The following NLGN2 variants were observed in gnomAD, a reference collection of about 807,000 sequenced individuals.
NLGN2 encodes the protein neuroligin-2.
Under a neutral mutation model 48.6 loss-of-function variants are expected in NLGN2, and 11 were observed. The ratio of observed to expected loss-of-function variants is 0.23; its 90% CI spans 0.14 to 0.37. The LOEUF (loss-of-function observed/expected upper bound fraction) is 0.37, where lower values mean the gene tolerates loss of function less well. NLGN2 is among the 10% of genes least tolerant of loss of function. The pLI, the probability that NLGN2 is intolerant of heterozygous loss-of-function variation, is 1.00. For missense variants in NLGN2, 801 were observed against 1,225.2 expected (o/e 0.65, Z 5.17); for synonymous variants, 548 against 550.0 (o/e 1.00, Z 0.05).
intron 1 of NLGN2, among the ~76,000 whole-genome samples, chr17:7,409,452 C>A (rs1906789615): frequency 6.6e-6 from 1 of 152,090 alleles, no homozygotes; most frequent in African/African-American, 2.4e-5. Context: ...GTTCTCCACC[C>A]TCCATCCTCA....
Position 7,412,200 on chromosome 17 carries a change from A to C in NLGN2, c.501A>C (p.Pro167=). The part of the protein sequence containing the change: ...KKRDEATLNP[P]DTDIRDPGKK... ...GTGACGAGGCGACGCTCAATCCGCC[A>C]GACACAGGTAGATTTAAAAATCCCG... Residue 167 remains proline (P), a synonymous_variant, in exon 2 of 7, where the codon CCA becomes CCC. Transcript: ENST00000302926. 1 of 1,612,564 alleles carries C rather than the reference A, an allele frequency of 6.2e-7. No individual in the cohort carries two copies. The highest frequency in any genetic ancestry group is 8.5e-7 in the Non-Finnish European group (1 of 1,179,368).
Position 7,415,922 on chromosome 17 carries a change from C to T in NLGN2, c.1449C>T (p.Phe483=), listed in dbSNP as rs1567662123. 1 of 1,613,592 alleles carries T rather than the reference C, an allele frequency of 6.2e-7. No homozygotes were observed. The highest frequency in any genetic ancestry group is 8.5e-7 in the Non-Finnish European group (1 of 1,179,674). ...DYQSPVYFYT[F]YHHCQAEGRP... Reference sequence around the variant, plus strand: ...AGTCTCCCGTCTACTTTTACACCTTCTACCACCACTGCCAGGCGGAGGGCC... The same window carrying T: ...AGTCTCCCGTCTACTTTTACACCTTTTACCACCACTGCCAGGCGGAGGGCC... The change falls in exon 6 of 7, where the codon TTC becomes TTT. Residue 483 remains phenylalanine, a synonymous_variant. Transcript: ENST00000302926.
intron 6 of NLGN2, 142 bp downstream of exon 6, chr17:7,416,249 G>A (rs1907097351): frequency 1.4e-6 from 1 of 699,480 alleles, no homozygotes; most frequent in East Asian, 2.7e-5. Flanking sequence ...CAGGCACGGA[G>A]TTGAGCGTTG....
At position 7,408,617 on chromosome 17, in the gene NLGN2, T is replaced by C; in HGVS notation, c.362T>C (p.Val121Ala). 1 of 1,606,098 alleles carries C rather than the reference T, an allele frequency of 6.2e-7. No homozygotes were observed. Among genetic ancestry groups the C allele is most frequent in the East Asian group, 2.2e-5 (1 of 44,462 alleles). Reference protein sequence around the residue: ...HGALPAIMLPVWFTDNLEAAA... With the variant: ...HGALPAIMLPAWFTDNLEAAA... ...GCGCTGCCCGCCATCATGCTGCCTG[T>C]GTGGTTCACCGACAACTTGGAGGCG... Residue 121 changes from valine to alanine, a missense_variant, in exon 1 of 7, where the codon GTG becomes GCG. Transcript: ENST00000302926. The surrounding 1 kb of genome is among the most constrained non-coding windows in gnomAD (Gnocchi z 7.5).
chr17:7,414,947 T>G lies in NLGN2; in HGVS notation c.845-9T>G. 6.2e-7 allele frequency: 1 copy of G among 1,612,808 alleles called. No homozygotes were observed. Among genetic ancestry groups the G allele is most frequent in the Non-Finnish European group, 8.5e-7 (1 of 1,180,008 alleles). On this transcript the variant is annotated splice_polypyrimidine_tract_variant and intron_variant, in intron 4 of 6. Transcript: ENST00000302926. Reference sequence around the variant, plus strand: ...CACAGCCTGGCCTGAGGTCTGCCTGTCCCGCCAGGGCTGTTCCAGAAGGCC... The same window carrying G: ...CACAGCCTGGCCTGAGGTCTGCCTGGCCCGCCAGGGCTGTTCCAGAAGGCC...
At position 7,414,321 on chromosome 17, in the gene NLGN2, CCTGCCCA is replaced by C. The variant is rs778033768; in HGVS notation, c.509-21_509-15del. ...TCCTTGTCCCTGACCCCCTGGCCCA[CCTGCCCA>C]CCCCTCCCCACACAGATATCCGTGA... On this transcript the variant is annotated splice_polypyrimidine_tract_variant and intron_variant, in intron 2 of 6. Transcript: ENST00000302926. 6 of 1,450,470 alleles carry C rather than the reference CCTGCCCA, an allele frequency of 4.1e-6. No homozygotes were observed. The highest frequency in any genetic ancestry group is 2.2e-5 in the Admixed American group (1 of 44,458). The allele number at this position is 1,450,470 out of a possible 1,614,324, so 89.8% of individuals were successfully genotyped here.
intron 5 of NLGN2, 27 bp downstream of exon 5, chr17:7,415,175 A>G (rs762967994): frequency 1.3e-6 from 2 of 1,561,128 alleles, no homozygotes; most frequent in East Asian, 2.3e-5. Flanking sequence ...GGCTGGGTCC[A>G]GGCCTTCAAG....
rs779080390 is a variant in NLGN2 at position 7,415,610 on chromosome 17, C to T, written c.1137C>T (p.Leu379=). Residue 379 remains leucine, a synonymous_variant, in exon 6 of 7, where the codon CTC becomes CTT. Transcript: ENST00000302926. ...GAGAATTCCTCAACTACGACATGCT[C>T]ATCGGCGTCAACCAGGGAGAGGGCC... ...QQGEFLNYDM[L]IGVNQGEGLK... is the part of the protein sequence containing the mutation. 1.2e-5 allele frequency: 19 copies of T among 1,613,806 alleles called. No homozygotes were observed. In the East Asian group the frequency reaches 3.8e-4, roughly 32 times the overall value.
intron 6 of NLGN2, 94 bp from the exon 7 acceptor site, chr17:7,416,832 T>C (rs1004754675): frequency 2.1e-6 from 3 of 1,454,484 alleles, no homozygotes; most frequent in Non-Finnish European, 2.8e-6. Flanking sequence ...CCCCTGTCTC[T>C]CTGCATCTCT....
At chr17:7,407,842 G>A (rs1906704303), upstream of NLGN2, among the ~76,000 whole-genome samples, 1 of 152,048 alleles carries the variant, frequency 6.6e-6, no homozygotes. Flanking sequence ...GTGGGAGAAG[G>A]GGGCAACTTG....
rs775195357 is a variant in NLGN2, at chr17:7,411,651, C to G, written c.458-506C>G. 6.6e-6 allele frequency among the ~76,000 whole-genome samples: 1 copy of G among 152,190 alleles called. No homozygotes were observed. The highest frequency in any genetic ancestry group is 2.4e-5 in the African/African-American group (1 of 41,442). On this transcript the variant is annotated intron_variant, in intron 1 of 6. Coordinates refer to ENST00000302926, the MANE Select transcript of NLGN2 (RefSeq NM_020795.4). The surrounding 1 kb of genome is among the most constrained non-coding windows in gnomAD (Gnocchi z 4.5). ...TCTTTTCTGCGGCAGTCTCTCCTCC[C>G]TACAGCCTTGTGGGGGGCGGCAGGC...
rs1906976269 is a variant in NLGN2, at chr17:7,413,396, G to A, written c.509-948G>A. ...TTTGGTTTGCTGAGTATCCAGGCTAGCAGGGAGGGCCAGTGTCAAGAAAGA... is the reference window on the plus strand; with the variant it reads ...TTTGGTTTGCTGAGTATCCAGGCTAACAGGGAGGGCCAGTGTCAAGAAAGA... On this transcript the variant is annotated intron_variant, in intron 2 of 6. Coordinates refer to ENST00000302926, the MANE Select transcript of NLGN2 (RefSeq NM_020795.4). The surrounding 1 kb of genome is among the most constrained non-coding windows in gnomAD (Gnocchi z 4.9). Among the ~76,000 whole-genome samples the A allele has an allele frequency of 6.6e-6, 1 of 152,196 alleles. No individual in the cohort carries two copies. Among genetic ancestry groups the A allele is most frequent in the Non-Finnish European group, 1.5e-5 (1 of 68,030 alleles).
rs182406071 is a variant in NLGN2 at position 7,417,865 on chromosome 17, G to C, written c.*66G>C. 2.6e-4 allele frequency: 347 copies of C among 1,340,420 alleles called. No homozygotes were observed. The highest frequency in any genetic ancestry group is 3.2e-4 in the Non-Finnish European group (332 of 1,051,336). 83.0% of individuals were successfully genotyped at this position (1,340,420 alleles called of 1,614,324 possible). ...CCGGCCACTCCGAAGGCAGGGAGGA[G>C]GACTTGGCAACTGGCTTTTCTCCTG... On this transcript the variant is annotated 3_prime_UTR_variant, in exon 7 of 7. Transcript: ENST00000302926.
chr17:7,415,699 C>G lies in NLGN2; in HGVS notation c.1226C>G (p.Thr409Ser). 6.2e-7 allele frequency: 1 copy of G among 1,614,282 alleles called. No individual in the cohort carries two copies. Among genetic ancestry groups the G allele is most frequent in the Non-Finnish European group, 8.5e-7 (1 of 1,180,048 alleles). Reference protein sequence around the residue: ...DGVSASAFDFTVSNFVDNLYG... With the variant: ...DGVSASAFDFSVSNFVDNLYG... ...GTGTCTGCCAGCGCCTTTGACTTCACTGTCTCCAACTTTGTGGACAACCTG... is the reference window on the plus strand; with the variant it reads ...GTGTCTGCCAGCGCCTTTGACTTCAGTGTCTCCAACTTTGTGGACAACCTG... The change falls in exon 6 of 7, where the codon ACT becomes AGT. Residue 409 changes from threonine to serine, a missense_variant. This residue lies in a region of NLGN2 where 303 missense variants were observed against 600.1 expected (regional missense o/e 0.50). Coordinates refer to ENST00000302926, the MANE Select transcript of NLGN2 (RefSeq NM_020795.4).
At chr17:7,415,398 TA>T in intron 5 of NLGN2, 112 bp from the exon 6 acceptor site, 1 of 1,070,536 alleles carries the variant, frequency 9.3e-7, no homozygotes, top group Non-Finnish European at 1.4e-6. Flanking sequence ...GGATTTCAAG[TA>T]GGGAAGAAGG....
chr17:7,419,630 A>G lies in NLGN2; in HGVS notation c.*1831A>G, dbSNP rs892224483. 1 of 152,214 alleles carries G rather than the reference A, an allele frequency of 6.6e-6. No individual in the cohort carries two copies. Among genetic ancestry groups the G allele is most frequent in the Non-Finnish European group, 1.5e-5 (1 of 68,072 alleles). The allele number at this position is 152,214 out of a possible 1,614,324, so 9.4% of individuals were successfully genotyped here. ...CCTCTCCAAACAGCCATGCCCTCCA[A>G]ATGCTAGAGACCTGGGCCCTGAACC... On this transcript the variant is annotated 3_prime_UTR_variant, in exon 7 of 7. Coordinates refer to ENST00000302926, the MANE Select transcript of NLGN2 (RefSeq NM_020795.4).
chr17:7,417,722 C>T lies in NLGN2; in HGVS notation c.2431C>T (p.Pro811Ser). The change falls in exon 7 of 7, where the codon CCC becomes TCC. Residue 811 changes from proline to serine, a missense_variant. By Grantham distance (74) the Pro-to-Ser change is moderately conservative. This residue lies in a region of NLGN2 where 276 missense variants were observed against 313.9 expected (regional missense o/e 0.88). Coordinates refer to ENST00000302926, the MANE Select transcript of NLGN2 (RefSeq NM_020795.4). ...GCCCCCCTCCCTTCATCCCTTCGGGCCCTTCCCCCCGCCCCCTCCCACCGC... is the reference window on the plus strand; with the variant it reads ...GCCCCCCTCCCTTCATCCCTTCGGGTCCTTCCCCCCGCCCCCTCCCACCGC... ...PPPPSLHPFGPFPPPPPTATS... is the reference protein window; with the variant it reads ...PPPPSLHPFGSFPPPPPTATS... 1.2e-6 allele frequency: 1 copy of T among 838,242 alleles called. No individual in the cohort carries two copies. The highest frequency in any genetic ancestry group is 1.6e-6 in the Non-Finnish European group (1 of 635,052). The allele number at this position is 838,242 out of a possible 1,614,324, so 51.9% of individuals were successfully genotyped here. A position where few individuals can be genotyped will look rare whatever the true frequency, so the allele number is the denominator to read the frequency against.
chr17:7,416,571 G>A lies in NLGN2; in HGVS notation c.1635-355G>A, dbSNP rs558312276. Among the ~76,000 whole-genome samples the A allele has an allele frequency of 5.9e-5, 9 of 152,234 alleles. 1 individual carries two copies. Among genetic ancestry groups the A allele is most frequent in the African/African-American group, 1.9e-4 (8 of 41,536 alleles). ...GCTGCCGGCTGATTTCAGCCTGGCTGTGTATCTGTCTCTGGCTGTCCCTCC... is the reference window on the plus strand; with the variant it reads ...GCTGCCGGCTGATTTCAGCCTGGCTATGTATCTGTCTCTGGCTGTCCCTCC... On this transcript the variant is annotated intron_variant, in intron 6 of 6. Transcript: ENST00000302926.
rs749178079 is a variant in NLGN2, at chr17:7,415,671, G to A, written c.1198G>A (p.Gly400Ser). 3.7e-6 allele frequency: 6 copies of A among 1,614,260 alleles called. No homozygotes were observed. The highest frequency in any genetic ancestry group is 3.4e-6 in the Non-Finnish European group (4 of 1,180,048). The change falls in exon 6 of 7, where the codon GGT (glycine) becomes AGT (serine). Residue 400 changes from glycine (G) to serine (S), a missense_variant. Gly to Ser is a moderately conservative substitution (Grantham distance 56). Around this residue, in one of 5 missense-constraint regions of NLGN2, gnomAD observed 303 missense variants for 600.1 expected, o/e 0.50. Coordinates refer to ENST00000302926, the MANE Select transcript of NLGN2 (RefSeq NM_020795.4). Reference protein sequence around the residue: ...FVEDSAESEDGVSASAFDFTV... With the variant: ...FVEDSAESEDSVSASAFDFTV... ...GGAGGACTCTGCAGAGAGCGAGGAC[G>A]GTGTGTCTGCCAGCGCCTTTGACTT...
Sources: allele counts gnomAD v4.1 joint callset (sites outside exome capture counted in the v4.1 genomes callset), GRCh38; gene constraint gnomAD v4.1.1; regional missense constraint gnomAD v4.1.1; non-coding constraint Gnocchi (gnomAD v3.1); transcripts MANE v1.5; gene names NCBI Gene and HGNC (gene_info 2026-07-23, HGNC 2026-07-21).